Variants in ATRNL1 observed in about 807,000 individuals in gnomAD.
ATRNL1 encodes attractin-like protein 1.
Under a neutral mutation model 182.7 loss-of-function variants are expected in ATRNL1, and 95 were observed. That is an observed-to-expected ratio of 0.52 (90% CI 0.44 to 0.62). ATRNL1 has a LOEUF of 0.62. Among genes scored for constraint, ATRNL1 ranks in the 20% least tolerant of loss-of-function variants. The pLI is 0.00. For synonymous variants in ATRNL1, 576 were observed against 568.3 expected (o/e 1.01, Z -0.19); for missense variants, 1,471 against 1,679.5 (o/e 0.88, Z 2.17).
chr10:115,667,854 G>T (rs1861092409), intron 26 of ATRNL1, among the ~76,000 whole-genome samples: 1 of 151,942 alleles, frequency 6.6e-6, no homozygotes. Flanking sequence ...TAGTAGAGGT[G>T]TGGTCTCACT....
intron 26 of ATRNL1, among the ~76,000 whole-genome samples, chr10:115,695,093 CTG>C (rs1946517038): frequency 6.6e-6 from 1 of 151,780 alleles, no homozygotes; most frequent in Non-Finnish European, 1.5e-5. Context: ...ACTTTCAAAA[CTG>C]TGCTCAGAGA....
At chr10:115,583,222 G>A (rs1213639736) in intron 26 of ATRNL1, among the ~76,000 whole-genome samples, 7 of 142,830 alleles carry the variant, frequency 4.9e-5, no homozygotes, top group African/African-American at 7.5e-5. Context: ...TTGACTTGGC[G>A]ATGCGGGCTC....
chr10:115,841,393 G>A (rs934156807), intron 27 of ATRNL1, among the ~76,000 whole-genome samples: 8 of 152,208 alleles, frequency 5.3e-5, no homozygotes, highest in South Asian at 2.1e-4. Flanking sequence ...GAGTGTGTGT[G>A]TTTGTGTACA....
chr10:115,383,020 C>G (rs1473237864), intron 19 of ATRNL1, among the ~76,000 whole-genome samples: 1 of 150,752 alleles, frequency 6.6e-6, no homozygotes, highest in Non-Finnish European at 1.5e-5. Flanking sequence ...AGAGGAAGTT[C>G]TTTTTATTTC....
chr10:115,660,148 C>T (rs1329167382), intron 26 of ATRNL1, among the ~76,000 whole-genome samples: 1 of 151,976 alleles, frequency 6.6e-6, no homozygotes, highest in Non-Finnish European at 1.5e-5. Context: ...TGTATATTCA[C>T]CTGGTGGGGA....
chr10:115,404,364 C>T (rs1554957719), intron 20 of ATRNL1, among the ~76,000 whole-genome samples: 1 of 152,168 alleles, frequency 6.6e-6, no homozygotes, highest in Admixed American at 6.5e-5. Context: ...AAGTAACACC[C>T]ACCACTTCTA....
chr10:115,916,818 C>A (rs71472879), intron 28 of ATRNL1, among the ~76,000 whole-genome samples: 6 of 151,980 alleles, frequency 3.9e-5, no homozygotes, highest in Non-Finnish European at 8.8e-5. Context: ...TTTCTCTGAC[C>A]AAGAGAAAGT....
chr10:115,170,069 A>G (rs371468095), intron 7 of ATRNL1, among the ~76,000 whole-genome samples: 1 of 152,132 alleles, frequency 6.6e-6, no homozygotes, highest in Non-Finnish European at 1.5e-5. Context: ...TATATACCAG[A>G]TTGCATCATC....
At chr10:115,436,999 A>C (rs1846433999) in intron 21 of ATRNL1, among the ~76,000 whole-genome samples, 2 of 152,088 alleles carry the variant, frequency 1.3e-5, no homozygotes, top group South Asian at 4.1e-4. Context: ...TTGGGAATAC[A>C]TTACAAGAGG....
At chr10:115,906,070 C>T (rs886789128) in intron 28 of ATRNL1, among the ~76,000 whole-genome samples, 3 of 152,158 alleles carry the variant, frequency 2.0e-5, no homozygotes, top group African/African-American at 7.2e-5. Flanking sequence ...TGACTAACTT[C>T]CATAAGCTTT....
intron 26 of ATRNL1, among the ~76,000 whole-genome samples, chr10:115,649,125 A>G (rs552403175): frequency 2.6e-5 from 4 of 152,318 alleles, no homozygotes; most frequent in African/African-American, 9.6e-5. Flanking sequence ...TTAAAAGTTT[A>G]TAGTGACGCT....
intron 26 of ATRNL1, chr10:115,597,651 C>T (rs1555014502): frequency 2.3e-6 from 1 of 440,332 alleles, no homozygotes; most frequent in African/African-American, 2.1e-5. Context: ...CAGCTCACTG[C>T]AACCTCCGCA....
chr10:115,369,977 C>G (rs1362137587), intron 19 of ATRNL1, among the ~76,000 whole-genome samples: 4 of 152,178 alleles, frequency 2.6e-5, no homozygotes, highest in African/African-American at 9.7e-5. Flanking sequence ...TGGGAGGGAT[C>G]TGGTAGAAGA....
In ATRNL1 at chr10:115,628,594, A is replaced by G. The variant is rs530566530; in HGVS notation, c.3795+79058A>G. Among the ~76,000 whole-genome samples the G allele has an allele frequency of 2.0e-5, 3 of 152,274 alleles. No individual in the cohort carries two copies. In the East Asian group the frequency reaches 5.8e-4, roughly 29 times the overall value. On this transcript the variant is annotated intron_variant, in intron 26 of 28. Transcript: ENST00000355044. ...TTTAAATTTTGATGAAGTTCAATTT[A>G]TACTTTTTTTCTTTTGTTGCTTGCG...
At chr10:115,405,060 C>G (rs79754657) in intron 20 of ATRNL1, among the ~76,000 whole-genome samples, 4,055 of 152,050 alleles carry the variant, frequency 0.027, 169 homozygotes, top group African/African-American at 0.09. Flanking sequence ...GATATACTAC[C>G]TACAAGTTGG....
At chr10:115,233,266 A>C (rs7908792) in intron 9 of ATRNL1, among the ~76,000 whole-genome samples, 8,526 of 152,166 alleles carry the variant, frequency 0.056, 768 homozygotes, top group African/African-American at 0.19. Context: ...TCACACTCCA[A>C]GGTTCCAGGT....
At chr10:115,330,025 T>C (rs1431447884) in intron 18 of ATRNL1, among the ~76,000 whole-genome samples, 1 of 152,180 alleles carries the variant, frequency 6.6e-6, no homozygotes. Context: ...TCTTGCTTTT[T>C]ATTTTTAGTG....
At chr10:115,816,297 T>C (rs931144111) in intron 27 of ATRNL1, among the ~76,000 whole-genome samples, 7 of 152,152 alleles carry the variant, frequency 4.6e-5, no homozygotes, top group African/African-American at 1.7e-4. Context: ...TTTTGGCTGT[T>C]ACTCCACGGG....
At position 115,644,580 on chromosome 10, in the gene ATRNL1, C is replaced by A. The variant is rs555866344; in HGVS notation, c.3796-82668C>A. On this transcript the variant is annotated intron_variant, in intron 26 of 28. Transcript: ENST00000355044. The stretch of plus-strand genomic sequence containing the variant: ...AAGTCAGACAGACCTGGGTTCAAAT[C>A]CTCATTTAGCCATTTACTCCTCTTA... Among the ~76,000 whole-genome samples, 3 of 152,234 alleles carry A rather than the reference C, an allele frequency of 2.0e-5. No homozygotes were observed. In the South Asian group the frequency reaches 6.2e-4, roughly 32 times the overall value.
Sources: allele counts gnomAD v4.1 joint callset (sites outside exome capture counted in the v4.1 genomes callset), GRCh38; gene constraint gnomAD v4.1.1; transcripts MANE v1.5; gene names NCBI Gene and HGNC (gene_info 2026-07-23, HGNC 2026-07-21).